The following IL27RA variants were observed in gnomAD, a reference collection of about 807,000 sequenced individuals.
IL27RA encodes the protein interleukin-27 receptor subunit alpha.
IL27RA carries 61 observed loss-of-function variants against 80.8 expected under a neutral mutation model. The ratio of observed to expected loss-of-function variants is 0.76; its 90% CI spans 0.61 to 0.93. IL27RA has a LOEUF of 0.93. IL27RA is among the 40% of genes least tolerant of loss of function. The pLI is 0.00. For synonymous variants in IL27RA, 316 were observed against 332.5 expected, an observed-to-expected ratio of 0.95 and a Z score of 0.54; for missense variants, 735 against 808.1, an observed-to-expected ratio of 0.91 and a Z score of 1.10.
chr19:14,032,620 C>T (rs1975835953), intron 2 of IL27RA, 117 bp downstream of exon 2: 3 of 270,724 alleles, frequency 1.1e-5, no homozygotes, highest in South Asian at 6.8e-5. Flanking sequence ...GAAACCCTGT[C>T]TATACTAAAA....
chr19:14,042,086 C>A (rs1176073597), intron 4 of IL27RA, among the ~76,000 whole-genome samples: 1 of 151,918 alleles, frequency 6.6e-6, no homozygotes, highest in African/African-American at 2.4e-5. Flanking sequence ...GTAATCCCAG[C>A]TACTTGGGAG....
chr19:14,042,114 G>T (rs1037796491), intron 4 of IL27RA, among the ~76,000 whole-genome samples: 5 of 151,654 alleles, frequency 3.3e-5, no homozygotes, highest in Non-Finnish European at 4.4e-5. Flanking sequence ...CAGGGGAATC[G>T]CTTGAACCCA....
At chr19:14,044,188 C>T (rs1444337951) in intron 6 of IL27RA, among the ~76,000 whole-genome samples, 1 of 152,000 alleles carries the variant, frequency 6.6e-6, no homozygotes, top group Non-Finnish European at 1.5e-5. Flanking sequence ...CAAAGGAACA[C>T]GATGACAGGT....
At chr19:14,033,033 G>T (rs2145684197) in intron 2 of IL27RA, among the ~76,000 whole-genome samples, 1 of 151,492 alleles carries the variant, frequency 6.6e-6, no homozygotes, top group East Asian at 2.0e-4. Context: ...CATTTTGGGA[G>T]GCCGAGGCGG....
intron 8 of IL27RA, among the ~76,000 whole-genome samples, chr19:14,047,432 G>A (rs1368054620): frequency 6.7e-6 from 1 of 149,942 alleles, no homozygotes; most frequent in Non-Finnish European, 1.5e-5. Context: ...TCAGCTCACT[G>A]CAGCCTTCAC....
chr19:14,032,477 C>G lies in IL27RA; in HGVS notation c.192C>G (p.Ser64=), dbSNP rs924996124. The change falls in exon 2 of 14, where the codon TCC becomes TCG. Residue 64 remains serine, a synonymous_variant. Coordinates refer to ENST00000263379, the MANE Select transcript of IL27RA (RefSeq NM_004843.4). The part of the protein sequence containing the change: ...WEPLGDLGAP[S]ELHLQSQKYR... ...CTCTTGGGGACCTGGGAGCCCCCTC[C>G]GAGTTACACCTCCAGAGCCAAAAGT... The G allele has an allele frequency of 6.2e-7, 1 of 1,613,284 alleles. No homozygotes were observed. The highest frequency in any genetic ancestry group is 1.1e-5 in the South Asian group (1 of 91,050).
chr19:14,048,159 T>C (rs1270601587), intron 8 of IL27RA, among the ~76,000 whole-genome samples: 2 of 150,830 alleles, frequency 1.3e-5, no homozygotes, highest in African/African-American at 2.4e-5. Flanking sequence ...GGTTTCTCCA[T>C]GTTGCCCAGG....
In IL27RA at chr19:14,050,886, A is replaced by AG. The variant is rs756438847; in HGVS notation, c.1528+9dup. On this transcript the variant is annotated splice_donor_region_variant and intron_variant, in intron 11 of 13. Transcript: ENST00000263379. The stretch of plus-strand genomic sequence containing the variant: ...CATCCTCCGGCTTCATCTACCAGGT[A>AG]GGGGGGTTGGGATGGGATTGCCACA... The AG allele has an allele frequency of 1.9e-6, 3 of 1,604,046 alleles. No homozygotes were observed. The highest frequency in any genetic ancestry group is 2.6e-6 in the Non-Finnish European group (3 of 1,172,672).
In IL27RA at chr19:14,046,433, C is replaced by T. The variant is rs1246769224; in HGVS notation, c.956C>T (p.Ser319Leu). The change falls in exon 8 of 14, where the codon TCA (serine) becomes TTA (leucine). Residue 319 changes from serine to leucine, a missense_variant. By Grantham distance (145) the Ser-to-Leu change is moderately radical. Transcript: ENST00000263379. The stretch of plus-strand genomic sequence containing the variant: ...GAGACTTCTCTCCACCCTCCAGATT[C>T]AGCCTCTGCCCCCCGTAGCGTGGCA... ...LTNLSLVCLDSASAPRSVAVS... is the reference protein window; with the variant it reads ...LTNLSLVCLDLASAPRSVAVS... 1 of 1,614,176 alleles carries T rather than the reference C, an allele frequency of 6.2e-7. No homozygotes were observed. Among genetic ancestry groups the T allele is most frequent in the Non-Finnish European group, 8.5e-7 (1 of 1,180,036 alleles).
chr19:14,042,618 G>C lies in IL27RA; in HGVS notation c.694+6G>C. 6.2e-7 allele frequency: 1 copy of C among 1,614,116 alleles called. No individual in the cohort carries two copies. Among genetic ancestry groups the C allele is most frequent in the Non-Finnish European group, 8.5e-7 (1 of 1,180,012 alleles). ...CTTCCAGACACCGCCTTCTGGTGAG[G>C]ATATCTGGGCTTGCCCTCAATCCAC... On this transcript the variant is annotated splice_donor_region_variant and intron_variant, in intron 5 of 13. Coordinates refer to ENST00000263379, the MANE Select transcript of IL27RA (RefSeq NM_004843.4).
rs767291532 is a variant in IL27RA, at chr19:14,039,925, C to T, written c.534+15C>T. Reference sequence around the variant, plus strand: ...CCTGGACCCTGGTGAGTGCTGGGGTCCTTTTCTCCCCACCCTATTCCGGGC... The same window carrying T: ...CCTGGACCCTGGTGAGTGCTGGGGTTCTTTTCTCCCCACCCTATTCCGGGC... On this transcript the variant is annotated intron_variant, in intron 4 of 13. Coordinates refer to ENST00000263379, the MANE Select transcript of IL27RA (RefSeq NM_004843.4). The T allele has an allele frequency of 7.4e-6, 12 of 1,612,190 alleles. No individual in the cohort carries two copies. The South Asian group carries it at 1.3e-4, about 18-fold the overall frequency.
At chr19:14,039,396 G>A in intron 2 of IL27RA, 112 bp from the exon 3 acceptor site, 1 of 1,206,782 alleles carries the variant, frequency 8.3e-7, no homozygotes, top group Non-Finnish European at 1.2e-6. Flanking sequence ...AGCAGAGGTG[G>A]GATTTGAACC....
At chr19:14,046,826 G>A (rs1159940832) in intron 8 of IL27RA, among the ~76,000 whole-genome samples, 1 of 151,836 alleles carries the variant, frequency 6.6e-6, no homozygotes, top group Non-Finnish European at 1.5e-5. Context: ...GTGAAACCCC[G>A]TCTCTACTAA....
In IL27RA at chr19:14,039,882, G is replaced by T. The variant is rs149150973; in HGVS notation, c.506G>T (p.Arg169Leu). 1.9e-6 allele frequency: 3 copies of T among 1,614,078 alleles called. No homozygotes were observed. Among genetic ancestry groups the T allele is most frequent in the Non-Finnish European group, 1.7e-6 (2 of 1,180,012 alleles). Residue 169 changes from arginine to leucine, a missense_variant, in exon 4 of 14, where the codon CGA becomes CTA. Arg to Leu is a moderately radical substitution (Grantham distance 102). Coordinates refer to ENST00000263379, the MANE Select transcript of IL27RA (RefSeq NM_004843.4). ...HKVLICQFHY[R>L]RCQEAAWTLL... ...GTTCTGATCTGCCAGTTCCACTACCGAAGATGTCAGGAGGCGGCCTGGACC... is the reference window on the plus strand; with the variant it reads ...GTTCTGATCTGCCAGTTCCACTACCTAAGATGTCAGGAGGCGGCCTGGACC...
At chr19:14,032,805 CAAAAAAA>C (rs60328140) in intron 2 of IL27RA, among the ~76,000 whole-genome samples, 48 of 60,794 alleles carry the variant, frequency 7.9e-4, no homozygotes, top group African/African-American at 2.9e-3. Flanking sequence ...GACTCTGTCT[CAAAAAAA>C]AAAAAAAAAA....
intron 6 of IL27RA, 76 bp from the exon 7 acceptor site, chr19:14,046,078 C>A: frequency 7.3e-7 from 1 of 1,370,864 alleles, no homozygotes. Flanking sequence ...GGTGGTTTAT[C>A]AGGTGACCTC....
At chr19:14,051,058 G>A (rs1202504091) in intron 11 of IL27RA, among the ~76,000 whole-genome samples, 175 bp downstream of exon 11, 2 of 151,984 alleles carry the variant, frequency 1.3e-5, no homozygotes, top group African/African-American at 4.8e-5. Context: ...AGACCAGCCT[G>A]GGCAACATAG....
At chr19:14,040,822 T>TCCGTCTCAAAACG (rs1438162726) in intron 4 of IL27RA, among the ~76,000 whole-genome samples, 6 of 148,376 alleles carry the variant, frequency 4.0e-5, no homozygotes, top group Non-Finnish European at 8.9e-5. Context: ...AGAGCAAGAC[T>TCCGTCTCAAAACG]CCGTCTCAAA....
chr19:14,047,853 G>A (rs1976092600), intron 8 of IL27RA, among the ~76,000 whole-genome samples: 1 of 149,204 alleles, frequency 6.7e-6, no homozygotes, highest in African/African-American at 2.5e-5. Flanking sequence ...TAGTAGGAAC[G>A]GAGTTTCACC....
Sources: allele counts gnomAD v4.1 joint callset (sites outside exome capture counted in the v4.1 genomes callset), GRCh38; gene constraint gnomAD v4.1.1; transcripts MANE v1.5; gene names NCBI Gene and HGNC (gene_info 2026-07-23, HGNC 2026-07-21).